Variants in PIP4P2 observed in about 807,000 individuals in gnomAD.
PIP4P2 encodes the protein type 2 phosphatidylinositol 4,5-bisphosphate 4-phosphatase.
Under a neutral mutation model 33.3 loss-of-function variants are expected in PIP4P2, and 19 were observed. The ratio of observed to expected loss-of-function variants is 0.57; its 90% CI spans 0.40 to 0.84. The LOEUF is 0.84. Ranked by LOEUF, PIP4P2 falls within the 40% of genes least tolerant of loss-of-function variation. PIP4P2 has a pLI of 0.00. For synonymous variants in PIP4P2, 110 were observed against 111.9 expected, an observed-to-expected ratio of 0.98 and a Z score of 0.11; for missense variants, 270 against 324.7, an observed-to-expected ratio of 0.83 and a Z score of 1.29.
chr8:91,034,724 TGA>T (rs1397157364), intron 1 of PIP4P2, among the ~76,000 whole-genome samples: 1 of 152,142 alleles, frequency 6.6e-6, no homozygotes, highest in Admixed American at 6.5e-5. Context: ...GCAAGTAAAG[TGA>T]GAATTTAATC....
intron 1 of PIP4P2, among the ~76,000 whole-genome samples, chr8:91,030,977 T>C (rs60662734): frequency 0.056 from 8,496 of 152,288 alleles, 809 homozygotes; most frequent in African/African-American, 0.19. Context: ...AATCTGGGTA[T>C]TTGTAACTGC....
At chr8:91,021,822 C>T (rs1259302664) in intron 1 of PIP4P2, among the ~76,000 whole-genome samples, 1 of 152,104 alleles carries the variant, frequency 6.6e-6, no homozygotes, top group Non-Finnish European at 1.5e-5. Flanking sequence ...AATTGCTTAT[C>T]CATACATATA....
intron 1 of PIP4P2, 24 bp downstream of exon 1, chr8:91,040,620 T>C (rs769905113): frequency 1.7e-5 from 27 of 1,612,618 alleles, no homozygotes; most frequent in Non-Finnish European, 2.2e-5. Context: ...CCTTGCAAAG[T>C]AGAGGGATCT....
At chr8:91,009,536 AG>A (rs1467768981) in intron 4 of PIP4P2, among the ~76,000 whole-genome samples, 1 of 151,986 alleles carries the variant, frequency 6.6e-6, no homozygotes, top group Non-Finnish European at 1.5e-5. Flanking sequence ...TTCCTTATAA[AG>A]GGTATATTTC....
chr8:90,999,251 A>G (rs756311308), intron 5 of PIP4P2, among the ~76,000 whole-genome samples: 1 of 152,162 alleles, frequency 6.6e-6, no homozygotes, highest in Non-Finnish European at 1.5e-5. Context: ...ACTACTAAAA[A>G]GTCAAAAAAT....
intron 1 of PIP4P2, chr8:91,024,418 T>C: frequency 2.7e-6 from 1 of 364,962 alleles, no homozygotes; most frequent in South Asian, 2.2e-5. Flanking sequence ...AATTGGATTA[T>C]TATAGATTAA....
chr8:91,021,379 G>A lies in PIP4P2; in HGVS notation c.132C>T (p.Ala44=). 1 of 1,613,722 alleles carries A rather than the reference G, an allele frequency of 6.2e-7. No homozygotes were observed. Among genetic ancestry groups the A allele is most frequent in the Non-Finnish European group, 8.5e-7 (1 of 1,179,782 alleles). The part of the protein sequence containing the change: ...PRAELPPPYT[A]IASPDASGIP... ...TACCACTGGCGTCTGGACTGGCAATGGCTGTATATGGAGGTGGGAGCTCCG... is the reference window on the plus strand; with the variant it reads ...TACCACTGGCGTCTGGACTGGCAATAGCTGTATATGGAGGTGGGAGCTCCG... The change falls in exon 2 of 7, where the codon GCC becomes GCT. Residue 44 remains alanine, a synonymous_variant. Transcript: ENST00000285419.
rs1354586751 is a variant in PIP4P2 at position 91,021,252 on chromosome 8, T to C, written c.255+4A>G. On this transcript the variant is annotated splice_donor_region_variant and intron_variant, in intron 2 of 6. Transcript: ENST00000285419. ...TATTTTTTCTAATGGAAATCTCCACTTACCGTAGCTTCATTGCAAACTGTG... is the reference window on the plus strand; with the variant it reads ...TATTTTTTCTAATGGAAATCTCCACCTACCGTAGCTTCATTGCAAACTGTG... 1 of 1,612,886 alleles carries C rather than the reference T, an allele frequency of 6.2e-7. No individual in the cohort carries two copies. The highest frequency in any genetic ancestry group is 2.2e-5 in the East Asian group (1 of 44,880).
At chr8:91,004,534 A>T (rs1811743221) in intron 5 of PIP4P2, among the ~76,000 whole-genome samples, 1 of 152,308 alleles carries the variant, frequency 6.6e-6, no homozygotes, top group East Asian at 1.9e-4. Context: ...ATCAAATGCT[A>T]CAGAGAAAAC....
At chr8:91,037,116 T>C (rs1288555180) in intron 1 of PIP4P2, among the ~76,000 whole-genome samples, 1 of 152,142 alleles carries the variant, frequency 6.6e-6, no homozygotes, top group Non-Finnish European at 1.5e-5. Context: ...TCTACCTTAT[T>C]CTAGAGGTCA....
chr8:91,015,358 G>C (rs1226860467), intron 4 of PIP4P2, among the ~76,000 whole-genome samples: 1 of 152,006 alleles, frequency 6.6e-6, no homozygotes. Context: ...AGGAGGGAGA[G>C]GACGAGGAGG....
At chr8:91,014,897 T>C (rs887995621) in intron 4 of PIP4P2, among the ~76,000 whole-genome samples, 9 of 151,954 alleles carry the variant, frequency 5.9e-5, no homozygotes, top group Admixed American at 5.9e-4. Flanking sequence ...ACCTCAAATA[T>C]ACAATTTCTG....
At chr8:91,023,711 C>T (rs1057491824) in intron 1 of PIP4P2, among the ~76,000 whole-genome samples, 2 of 151,998 alleles carry the variant, frequency 1.3e-5, no homozygotes, top group Non-Finnish European at 2.9e-5. Flanking sequence ...AGGCCAGGGG[C>T]ACATCTGGTT....
At chr8:91,006,787 G>A (rs2130355861) in intron 5 of PIP4P2, among the ~76,000 whole-genome samples, 1 of 152,214 alleles carries the variant, frequency 6.6e-6, no homozygotes, top group South Asian at 2.1e-4. Context: ...TGGCCAAAAT[G>A]GTGAAACCCC....
chr8:91,029,948 C>T (rs573396788), intron 1 of PIP4P2, among the ~76,000 whole-genome samples: 3 of 152,176 alleles, frequency 2.0e-5, no homozygotes, highest in African/African-American at 7.2e-5. Flanking sequence ...GCCTGGGCGA[C>T]AGAGCGAGAC....
At chr8:90,998,388 G>A (rs900376688) in intron 5 of PIP4P2, among the ~76,000 whole-genome samples, 29 of 151,954 alleles carry the variant, frequency 1.9e-4, no homozygotes, top group African/African-American at 7.0e-4. Flanking sequence ...CACTACATCT[G>A]AGAAATCTTC....
intron 4 of PIP4P2, among the ~76,000 whole-genome samples, chr8:91,016,322 T>A (rs1449361249): frequency 1.3e-5 from 2 of 151,854 alleles, no homozygotes; most frequent in Admixed American, 6.6e-5. Context: ...AAAAATGGAA[T>A]GGACAATAAC....
chr8:91,016,391 C>T (rs988908392), intron 4 of PIP4P2, among the ~76,000 whole-genome samples: 1 of 151,934 alleles, frequency 6.6e-6, no homozygotes, highest in African/African-American at 2.4e-5. Flanking sequence ...GACATAGACT[C>T]ATGAAATTTC....
intron 4 of PIP4P2, among the ~76,000 whole-genome samples, chr8:91,015,621 C>G (rs771526398): frequency 5.9e-5 from 9 of 152,164 alleles, no homozygotes; most frequent in Admixed American, 3.3e-4. Flanking sequence ...TTAATTTTCT[C>G]AGCAAGGCCA....
Sources: allele counts gnomAD v4.1 joint callset (sites outside exome capture counted in the v4.1 genomes callset), GRCh38; gene constraint gnomAD v4.1.1; transcripts MANE v1.5; gene names NCBI Gene and HGNC (gene_info 2026-07-23, HGNC 2026-07-21).